CDH17: variants seen among roughly 807,000 people sequenced by gnomAD.
The protein encoded by CDH17 is cadherin 17.
In CDH17, 67 loss-of-function variants were observed where a neutral mutation model predicts 86.3. That is an observed-to-expected ratio of 0.78 (90% CI 0.64 to 0.95). The LOEUF (loss-of-function observed/expected upper bound fraction) is 0.95. Ranked by LOEUF, CDH17 falls within the 40% of genes least tolerant of loss-of-function variation. The pLI, the probability that CDH17 is intolerant of heterozygous loss-of-function variation, is 0.00. For missense variants in CDH17, 993 were observed against 1,017.6 expected, an observed-to-expected ratio of 0.98 and a Z score of 0.33; for synonymous variants, 367 against 366.4, an observed-to-expected ratio of 1.00 and a Z score of -0.02.
chr8:94,184,930 C>G (rs1453163269), intron 3 of CDH17, among the ~76,000 whole-genome samples: 1 of 152,128 alleles, frequency 6.6e-6, no homozygotes, highest in Non-Finnish European at 1.5e-5. Context: ...CTTCATGCCT[C>G]TGTAGGTCCA....
At chr8:94,187,383 G>A (rs777648825) in intron 3 of CDH17, among the ~76,000 whole-genome samples, 8 of 152,190 alleles carry the variant, frequency 5.3e-5, no homozygotes, top group Admixed American at 2.0e-4. Context: ...TAAGCTCACC[G>A]GAGCAGGGAT....
intron 1 of CDH17, among the ~76,000 whole-genome samples, chr8:94,200,749 A>C (rs1813895629): frequency 1.3e-5 from 2 of 151,318 alleles, no homozygotes; most frequent in South Asian, 4.2e-4. Flanking sequence ...TCTACCACAC[A>C]ACAGAAGACA....
chr8:94,192,248 CA>C (rs1473877613), intron 2 of CDH17, among the ~76,000 whole-genome samples: 1 of 152,150 alleles, frequency 6.6e-6, no homozygotes, highest in Non-Finnish European at 1.5e-5. Context: ...TGTGAATCAT[CA>C]AGCCGCTTTC....
intron 15 of CDH17, among the ~76,000 whole-genome samples, chr8:94,144,703 A>G (rs1219831342): frequency 1.3e-5 from 2 of 152,212 alleles, no homozygotes; most frequent in African/African-American, 4.8e-5. Context: ...TTGCTCTTTA[A>G]AAGACTTGCA....
chr8:94,133,295 A>C (rs992572391), intron 15 of CDH17, among the ~76,000 whole-genome samples: 3 of 152,220 alleles, frequency 2.0e-5, no homozygotes, highest in African/African-American at 7.2e-5. Context: ...CCTGTCCACG[A>C]GCATGGAATG....
Position 94,177,615 on chromosome 8 carries a change from C to G in CDH17, c.257G>C (p.Arg86Thr), listed in dbSNP as rs762951650. 1.1e-4 allele frequency: 180 copies of G among 1,613,796 alleles called. 1 individual carries two copies. In the South Asian group the frequency reaches 1.2e-3, roughly 11 times the overall value. Residue 86 changes from arginine (R) to threonine (T), a missense_variant, in exon 4 of 18, where the codon AGG (arginine) becomes ACG (threonine). Arg to Thr is a moderately conservative substitution (Grantham distance 71). Coordinates refer to ENST00000027335, the MANE Select transcript of CDH17 (RefSeq NM_004063.4). ...GAGATTGTGAGTAGATCTTGTTTCC[C>G]TGTCCAAGGCTCTGTTGTAATACAG... is the stretch of plus-strand genomic sequence containing the variant. ...GLLYYNRALDRETRSTHNLQV... is the reference protein window; with the variant it reads ...GLLYYNRALDTETRSTHNLQV...
Position 94,177,587 on chromosome 8 carries a change from C to A in CDH17, c.285G>T (p.Gln95His), listed in dbSNP as rs1173373497. ...DRETRSTHNL[Q>H]VAALDANGII... ...ATCCCTTCAGCTGGTATCAATTTAC[C>A]TGGAGATTGTGAGTAGATCTTGTTT... Residue 95 changes from glutamine (Q) to histidine (H), a missense_variant and splice_region_variant, in exon 4 of 18, where the codon CAG becomes CAT. Transcript: ENST00000027335. The A allele has an allele frequency of 1.1e-5, 17 of 1,613,642 alleles. No individual in the cohort carries two copies. The highest frequency in any genetic ancestry group is 1.4e-5 in the Non-Finnish European group (17 of 1,179,682).
chr8:94,185,176 C>T (rs768527370), intron 3 of CDH17, among the ~76,000 whole-genome samples: 7 of 152,038 alleles, frequency 4.6e-5, no homozygotes, highest in Non-Finnish European at 8.8e-5. Context: ...CAAAACTCCC[C>T]AGTGTGTTTT....
At chr8:94,173,512 C>A (rs2130640810) in intron 7 of CDH17, among the ~76,000 whole-genome samples, 1 of 152,270 alleles carries the variant, frequency 6.6e-6, no homozygotes, top group Non-Finnish European at 1.5e-5. Flanking sequence ...GAACAGCCTG[C>A]AAAACGATGC....
At chr8:94,178,107 T>A (rs1813409334) in intron 3 of CDH17, among the ~76,000 whole-genome samples, 1 of 152,222 alleles carries the variant, frequency 6.6e-6, no homozygotes, top group Non-Finnish European at 1.5e-5. Context: ...GTGACAAAGA[T>A]TAATAGACAC....
intron 14 of CDH17, 23 bp downstream of exon 14, chr8:94,148,721 G>GC: frequency 8.9e-7 from 1 of 1,121,660 alleles, no homozygotes; most frequent in Non-Finnish European, 1.2e-6. Flanking sequence ...CTTTTTTTTT[G>GC]TTTTTTTTTT....
At chr8:94,163,901 C>G (rs1256461469) in intron 10 of CDH17, among the ~76,000 whole-genome samples, 1 of 152,214 alleles carries the variant, frequency 6.6e-6, no homozygotes, top group South Asian at 2.1e-4. Flanking sequence ...CTCGTTTGAC[C>G]AGCAGTGGGC....
chr8:94,130,747 G>T lies in CDH17; in HGVS notation c.2285-8C>A. ...CACAACTGCAGAATGTAACTGAAAA[G>T]CAGGACAGTATTTGGTAGGATAAAT... is the stretch of plus-strand genomic sequence containing the variant. On this transcript the variant is annotated splice_region_variant and splice_polypyrimidine_tract_variant and intron_variant, in intron 16 of 17. Transcript: ENST00000027335. The T allele has an allele frequency of 6.2e-7, 1 of 1,606,380 alleles. No homozygotes were observed. Among genetic ancestry groups the T allele is most frequent in the Non-Finnish European group, 8.5e-7 (1 of 1,172,928 alleles).
chr8:94,129,153 T>C (rs927349706), intron 17 of CDH17, among the ~76,000 whole-genome samples: 9 of 152,084 alleles, frequency 5.9e-5, no homozygotes, highest in Non-Finnish European at 1.2e-4. Flanking sequence ...AGTCTTTAAC[T>C]TGTGGTAAGA....
At chr8:94,199,292 T>C (rs1268421810) in intron 1 of CDH17, among the ~76,000 whole-genome samples, 1 of 151,930 alleles carries the variant, frequency 6.6e-6, no homozygotes, top group East Asian at 1.9e-4. Flanking sequence ...GTAAGAGCTT[T>C]CAATAAACAT....
chr8:94,170,995 C>A lies in CDH17; in HGVS notation c.784-10G>T, dbSNP rs760146391. On this transcript the variant is annotated splice_polypyrimidine_tract_variant and intron_variant, in intron 7 of 17. Coordinates refer to ENST00000027335, the MANE Select transcript of CDH17 (RefSeq NM_004063.4). Reference sequence around the variant, plus strand: ...GATCATTCCACCGCACCTACAGGGCCCAAAGTCAGTTGTGAGGAAAGCTGT... The same window carrying A: ...GATCATTCCACCGCACCTACAGGGCACAAAGTCAGTTGTGAGGAAAGCTGT... 1.9e-6 allele frequency: 3 copies of A among 1,611,748 alleles called. No homozygotes were observed. The highest frequency in any genetic ancestry group is 2.2e-5 in the East Asian group (1 of 44,754).
chr8:94,212,308 A>G (rs1262575882), upstream of CDH17, among the ~76,000 whole-genome samples: 2 of 151,978 alleles, frequency 1.3e-5, no homozygotes, highest in African/African-American at 4.8e-5. Context: ...GGCACACACC[A>G]CCATATCCCA....
In CDH17 at chr8:94,194,703, T is replaced by C; in HGVS notation, c.-18A>G. ...AGTATCATAGTTTTCTTTATTCAAA[T>C]TCCTGTGAAGGAACCAGATAAAAAA... On this transcript the variant is annotated splice_region_variant and 5_prime_UTR_variant, in exon 2 of 18. Transcript: ENST00000027335. 6.4e-7 allele frequency: 1 copy of C among 1,571,708 alleles called. No homozygotes were observed. Among genetic ancestry groups the C allele is most frequent in the Non-Finnish European group, 8.7e-7 (1 of 1,147,972 alleles).
intron 13 of CDH17, among the ~76,000 whole-genome samples, chr8:94,150,959 C>T (rs1355127181): frequency 6.6e-6 from 1 of 152,146 alleles, no homozygotes; most frequent in Admixed American, 6.5e-5. Context: ...GGTAACTTTG[C>T]TTCTCAATGA....
Sources: gnomAD v4.1 joint callset for allele counts (sites outside exome capture counted in the v4.1 genomes callset) on GRCh38, gnomAD v4.1.1 for gene constraint, MANE v1.5 for transcripts, NCBI Gene and HGNC (gene_info 2026-07-23, HGNC 2026-07-21) for gene names.